The following CTNNA3 variants were observed in gnomAD, a reference collection of about 807,000 sequenced individuals.
CTNNA3 encodes the protein catenin alpha 3, also known as catenin alpha-3.
In CTNNA3, 76 loss-of-function variants were observed where a neutral mutation model predicts 95.7. The observed-to-expected ratio is 0.79, with a 90% CI of 0.66 to 0.96. The LOEUF is 0.96. Ranked by LOEUF, CTNNA3 falls within the 40% of genes least tolerant of loss-of-function variation. The pLI is 0.00. For missense variants in CTNNA3, 1,191 were observed against 1,089.8 expected (o/e 1.09, Z -1.31); for synonymous variants, 431 against 374.4 (o/e 1.15, Z -1.74).
chr10:65,980,531 A>C (rs2078297603), intron 16 of CTNNA3, among the ~76,000 whole-genome samples: 1 of 151,572 alleles, frequency 6.6e-6, no homozygotes. Context: ...CATAACAAAA[A>C]AAAAAAAGAA....
intron 7 of CTNNA3, among the ~76,000 whole-genome samples, chr10:67,100,126 T>A (rs1359295186): frequency 6.6e-6 from 1 of 151,766 alleles, no homozygotes; most frequent in East Asian, 1.9e-4. Context: ...AAATTGATAA[T>A]GATTTTTAGA....
chr10:65,930,166 A>T (rs2077227978), intron 17 of CTNNA3, among the ~76,000 whole-genome samples: 1 of 147,356 alleles, frequency 6.8e-6, no homozygotes, highest in Non-Finnish European at 1.5e-5. Flanking sequence ...GTTAATCACA[A>T]TCCTTTTGGT....
intron 15 of CTNNA3, among the ~76,000 whole-genome samples, chr10:66,006,229 A>G (rs567131642): frequency 1.8e-4 from 27 of 151,838 alleles, no homozygotes; most frequent in Admixed American, 1.0e-3. Context: ...TAGCCAGGAT[A>G]GTCTCGATCT....
intron 1 of CTNNA3, among the ~76,000 whole-genome samples, chr10:67,726,452 A>G (rs1344343628): frequency 6.7e-5 from 4 of 59,372 alleles, no homozygotes; most frequent in Admixed American, 6.3e-4. Flanking sequence ...ATATAATATT[A>G]TATATGATAT....
intron 5 of CTNNA3, among the ~76,000 whole-genome samples, chr10:67,328,367 G>A (rs1841639189): frequency 6.6e-6 from 1 of 152,160 alleles, no homozygotes; most frequent in Non-Finnish European, 1.5e-5. Flanking sequence ...CAGACCAAGG[G>A]GTTCTCAGGT....
intron 10 of CTNNA3, among the ~76,000 whole-genome samples, chr10:66,571,789 C>A (rs765918521): frequency 6.6e-5 from 10 of 151,982 alleles, no homozygotes; most frequent in Non-Finnish European, 1.5e-4. Flanking sequence ...CCCATAACAA[C>A]CTTGTTATGC....
intron 17 of CTNNA3, among the ~76,000 whole-genome samples, chr10:65,963,367 T>C (rs185362355): frequency 6.6e-6 from 1 of 152,280 alleles, no homozygotes; most frequent in Admixed American, 6.5e-5. Context: ...TATCTCTGTT[T>C]TATTTCAGTT....
chr10:67,405,753 C>A (rs1845118785), intron 5 of CTNNA3, among the ~76,000 whole-genome samples: 1 of 152,180 alleles, frequency 6.6e-6, no homozygotes, highest in Non-Finnish European at 1.5e-5. Flanking sequence ...AATATACATT[C>A]TTCTCATTGC....
At chr10:66,193,090 C>T (rs1463209502) in intron 13 of CTNNA3, among the ~76,000 whole-genome samples, 1 of 152,048 alleles carries the variant, frequency 6.6e-6, no homozygotes, top group African/African-American at 2.4e-5. Context: ...TCACGAAAGC[C>T]ATTTACAAGG....
intron 3 of CTNNA3, among the ~76,000 whole-genome samples, chr10:67,589,651 G>A (rs1471611599): frequency 6.6e-6 from 1 of 151,844 alleles, no homozygotes; most frequent in Non-Finnish European, 1.5e-5. Flanking sequence ...ATTCATCAAA[G>A]CATTAATGAA....
chr10:66,751,927 A>T (rs977080805), intron 9 of CTNNA3, among the ~76,000 whole-genome samples: 4 of 152,174 alleles, frequency 2.6e-5, no homozygotes, highest in African/African-American at 9.7e-5. Flanking sequence ...AAAACTGCAA[A>T]ACATTGATTT....
chr10:66,468,676 A>C (rs1234329120), intron 11 of CTNNA3, among the ~76,000 whole-genome samples: 1 of 150,286 alleles, frequency 6.7e-6, no homozygotes, highest in Non-Finnish European at 1.5e-5. Context: ...TATTAGCTTG[A>C]TTGTAGTAAG....
intron 7 of CTNNA3, among the ~76,000 whole-genome samples, chr10:66,896,786 C>T (rs1303487333): frequency 7.2e-5 from 11 of 152,144 alleles, no homozygotes; most frequent in Admixed American, 7.2e-4. Flanking sequence ...TTTCCCTCTT[C>T]CTGAACCTTC....
chr10:66,082,834 T>C (rs2080814961), intron 14 of CTNNA3, among the ~76,000 whole-genome samples: 1 of 152,196 alleles, frequency 6.6e-6, no homozygotes, highest in Non-Finnish European at 1.5e-5. Flanking sequence ...ATTGGCATCC[T>C]GTCTTCTTAG....
chr10:66,137,192 G>T (rs574116596), intron 13 of CTNNA3, among the ~76,000 whole-genome samples: 142 of 152,130 alleles, frequency 9.3e-4, no homozygotes, highest in Non-Finnish European at 1.3e-3. Flanking sequence ...TTAGCAATCA[G>T]CTTCCAGCAA....
At chr10:67,437,156 T>C (rs1846330330) in intron 5 of CTNNA3, among the ~76,000 whole-genome samples, 1 of 152,122 alleles carries the variant, frequency 6.6e-6, no homozygotes. Flanking sequence ...AAGGAATAAA[T>C]TAACAGCATT....
Position 65,988,687 on chromosome 10 carries a change from C to T in CTNNA3, c.2265+5G>A, listed in dbSNP as rs768745717. 5.6e-6 allele frequency: 9 copies of T among 1,610,076 alleles called. No homozygotes were observed. In the South Asian group the frequency reaches 6.6e-5, roughly 12 times the overall value. ...TTTTATGATGTCCACTTGTAAGTAA[C>T]TCACCTGATTAGCAATCTGCCGAGC... On this transcript the variant is annotated splice_donor_5th_base_variant and intron_variant, in intron 16 of 17. Coordinates refer to ENST00000433211, the MANE Select transcript of CTNNA3 (RefSeq NM_013266.4).
chr10:66,414,760 C>T (rs1425582208), intron 11 of CTNNA3, among the ~76,000 whole-genome samples: 3 of 152,076 alleles, frequency 2.0e-5, no homozygotes, highest in African/African-American at 4.8e-5. Context: ...TGACCTTGGG[C>T]CACTACACTC....
chr10:67,030,679 C>T (rs1422447540), intron 7 of CTNNA3, among the ~76,000 whole-genome samples: 1 of 151,874 alleles, frequency 6.6e-6, no homozygotes, highest in East Asian at 1.9e-4. Flanking sequence ...GATAATGAAG[C>T]TGAGGTAGAA....
Sources: allele counts gnomAD v4.1 joint callset (sites outside exome capture counted in the v4.1 genomes callset), GRCh38; gene constraint gnomAD v4.1.1; transcripts MANE v1.5; gene names NCBI Gene and HGNC (gene_info 2026-07-23, HGNC 2026-07-21).